Variants in SLC24A3 observed in about 807,000 individuals in gnomAD.
SLC24A3 encodes the protein solute carrier family 24 member 3.
Under a neutral mutation model 75.8 loss-of-function variants are expected in SLC24A3, and 28 were observed. That is an observed-to-expected ratio of 0.37 (90% CI 0.27 to 0.51). The LOEUF is 0.51. SLC24A3 is among the 20% of genes least tolerant of loss of function. SLC24A3 has a pLI of 0.94. For synonymous variants in SLC24A3, 372 were observed against 334.1 expected (o/e 1.11, Z -1.24); for missense variants, 663 against 847.8 (o/e 0.78, Z 2.71).
chr20:19,214,867 C>T (rs147059880), intron 1 of SLC24A3, among the ~76,000 whole-genome samples: 1 of 152,224 alleles, frequency 6.6e-6, no homozygotes, highest in Non-Finnish European at 1.5e-5. Flanking sequence ...TTTTTCCTCT[C>T]ACTTCCTCTT....
chr20:19,718,017 C>T lies in SLC24A3; in HGVS notation c.1785+424C>T, dbSNP rs561131220. On this transcript the variant is annotated intron_variant, in intron 16 of 16. Transcript: ENST00000328041. ...GGCCATTCCACTCTCTCAGCCATTACGCCCACTTGCGTACTTTAATATTCC... is the reference window on the plus strand; with the variant it reads ...GGCCATTCCACTCTCTCAGCCATTATGCCCACTTGCGTACTTTAATATTCC... Among the ~76,000 whole-genome samples, 355 of 152,294 alleles carry T rather than the reference C, an allele frequency of 2.3e-3. 4 individuals carry two copies. Among genetic ancestry groups the T allele is most frequent in the Admixed American group, 2.5e-3 (38 of 15,286 alleles).
At chr20:19,278,620 A>T (rs1019729955) in intron 1 of SLC24A3, among the ~76,000 whole-genome samples, 7 of 152,206 alleles carry the variant, frequency 4.6e-5, no homozygotes, top group African/African-American at 7.2e-5. Context: ...TCCAAACTAC[A>T]CAAATGCCTT....
At chr20:19,283,788 G>A (rs556966725) in intron 2 of SLC24A3, among the ~76,000 whole-genome samples, 1 of 152,310 alleles carries the variant, frequency 6.6e-6, no homozygotes, top group African/African-American at 2.4e-5. Context: ...ATAAAGTGTG[G>A]ACAGCTTAGT....
chr20:19,434,377 C>CT (rs1987158541), intron 2 of SLC24A3, among the ~76,000 whole-genome samples: 1 of 152,172 alleles, frequency 6.6e-6, no homozygotes, highest in Non-Finnish European at 1.5e-5. Flanking sequence ...GGAGCATCAC[C>CT]TTGAGTCTGA....
At position 19,696,799 on chromosome 20, in the gene SLC24A3, C is replaced by G. The variant is rs1332732175; in HGVS notation, c.1494C>G (p.Val498=). 6.2e-7 allele frequency: 1 copy of G among 1,612,818 alleles called. No homozygotes were observed. Among genetic ancestry groups the G allele is most frequent in the African/African-American group, 1.3e-5 (1 of 74,884 alleles). Residue 498 remains valine, a splice_region_variant and synonymous_variant, in exon 14 of 17, where the codon GTC becomes GTG. Transcript: ENST00000328041. ...AAFSYMMVWM[V]TIIGYTLGIP... ...CCACCTCTTCCTGCTCCTTCTAGGTCACAATCATTGGTTACACCCTGGGGA... is the reference window on the plus strand; with the variant it reads ...CCACCTCTTCCTGCTCCTTCTAGGTGACAATCATTGGTTACACCCTGGGGA...
intron 8 of SLC24A3, among the ~76,000 whole-genome samples, chr20:19,668,139 G>A (rs549757658): frequency 2.2e-4 from 34 of 152,308 alleles, no homozygotes; most frequent in African/African-American, 7.5e-4. Flanking sequence ...CTGGCCTGTC[G>A]TGTAACTTGT....
intron 3 of SLC24A3, among the ~76,000 whole-genome samples, chr20:19,571,844 G>T (rs1274588537): frequency 2.6e-5 from 4 of 152,180 alleles, no homozygotes; most frequent in Non-Finnish European, 5.9e-5. Flanking sequence ...GTTTCTGAGA[G>T]TGGCCCATTT....
intron 1 of SLC24A3, among the ~76,000 whole-genome samples, chr20:19,263,200 G>A (rs1983052111): frequency 6.6e-6 from 1 of 152,152 alleles, no homozygotes; most frequent in Non-Finnish European, 1.5e-5. Flanking sequence ...AATGAGCAGG[G>A]TAGCTCACAG....
intron 4 of SLC24A3, among the ~76,000 whole-genome samples, chr20:19,584,023 G>A (rs56930573): frequency 6.6e-6 from 1 of 152,176 alleles, no homozygotes; most frequent in Non-Finnish European, 1.5e-5. Flanking sequence ...GCAGCTGTAG[G>A]TGCCACTGGG....
chr20:19,369,794 A>G (rs147880450), intron 2 of SLC24A3, among the ~76,000 whole-genome samples: 3 of 152,326 alleles, frequency 2.0e-5, no homozygotes, highest in Non-Finnish European at 4.4e-5. Context: ...TGGGGCCTCA[A>G]AGGAACTGTC....
At chr20:19,494,055 A>G (rs115056274) in intron 2 of SLC24A3, among the ~76,000 whole-genome samples, 1 of 152,150 alleles carries the variant, frequency 6.6e-6, no homozygotes, top group Non-Finnish European at 1.5e-5. Flanking sequence ...ATAGATCTGC[A>G]TGGAGGGGGA....
chr20:19,496,530 G>A (rs572502537), intron 2 of SLC24A3, among the ~76,000 whole-genome samples: 3 of 152,318 alleles, frequency 2.0e-5, no homozygotes, highest in East Asian at 3.9e-4. Flanking sequence ...CCTTTGGAAT[G>A]ATCAAGAGAA....
intron 2 of SLC24A3, among the ~76,000 whole-genome samples, chr20:19,299,686 G>A (rs956944246): frequency 1.3e-5 from 2 of 152,206 alleles, no homozygotes; most frequent in African/African-American, 4.8e-5. Flanking sequence ...CTCCATTTGA[G>A]TCCTGAGTAG....
chr20:19,365,511 A>C (rs1358027066), intron 2 of SLC24A3, among the ~76,000 whole-genome samples: 6 of 152,200 alleles, frequency 3.9e-5, no homozygotes, highest in Non-Finnish European at 8.8e-5. Context: ...ATGGGAATGC[A>C]TTAGGAACAT....
At chr20:19,391,896 A>G (rs1986372843) in intron 2 of SLC24A3, among the ~76,000 whole-genome samples, 1 of 152,142 alleles carries the variant, frequency 6.6e-6, no homozygotes, top group Admixed American at 6.5e-5. Flanking sequence ...TGTCCCTGCT[A>G]CATTGACTTT....
chr20:19,361,569 G>T (rs973262975), intron 2 of SLC24A3, among the ~76,000 whole-genome samples: 1 of 152,156 alleles, frequency 6.6e-6, no homozygotes, highest in Non-Finnish European at 1.5e-5. Context: ...GGTTACACAG[G>T]TGCATTCCTT....
intron 15 of SLC24A3, among the ~76,000 whole-genome samples, chr20:19,701,499 G>C (rs2032872423): frequency 6.6e-6 from 1 of 152,164 alleles, no homozygotes; most frequent in Non-Finnish European, 1.5e-5. Context: ...ACTCAAACTT[G>C]CATATCATGG....
chr20:19,488,304 A>C (rs551750382), intron 2 of SLC24A3, among the ~76,000 whole-genome samples: 2 of 152,236 alleles, frequency 1.3e-5, no homozygotes, highest in South Asian at 4.1e-4. Flanking sequence ...CTCTGCGCAC[A>C]TCAGGATTGC....
intron 6 of SLC24A3, among the ~76,000 whole-genome samples, chr20:19,607,648 A>G (rs1052733289): frequency 6.6e-6 from 1 of 152,062 alleles, no homozygotes; most frequent in African/African-American, 2.4e-5. Context: ...AAATCTAATC[A>G]ATTCTTCCAC....
Sources: gnomAD v4.1 joint callset for allele counts (sites outside exome capture counted in the v4.1 genomes callset) on GRCh38, gnomAD v4.1.1 for gene constraint, MANE v1.5 for transcripts, NCBI Gene and HGNC (gene_info 2026-07-23, HGNC 2026-07-21) for gene names.